AGL: variants seen among roughly 807,000 people sequenced by gnomAD.
AGL encodes glycogen debranching enzyme.
A neutral mutation model predicts 199.3 loss-of-function variants in AGL; 128 were observed. That is an observed-to-expected ratio of 0.64 (90% CI 0.56 to 0.74). The LOEUF (loss-of-function observed/expected upper bound fraction) is 0.74, where lower values mean the gene tolerates loss of function less well. Among genes scored for constraint, AGL ranks in the 30% least tolerant of loss-of-function variants. The probability of loss-of-function intolerance (pLI) is 0.00; values close to 1 mark genes in which losing one functional copy is unlikely to be tolerated. For missense variants in AGL, 1,809 were observed against 1,820.8 expected (o/e 0.99, Z 0.12); for synonymous variants, 584 against 594.7 (o/e 0.98, Z 0.26).
rs773291730 is a variant in AGL, at chr1:99,861,618, T to C, written c.198T>C (p.Asp66=). 1.9e-6 allele frequency: 3 copies of C among 1,613,904 alleles called. No homozygotes were observed. The highest frequency in any genetic ancestry group is 1.3e-5 in the African/African-American group (1 of 75,040). ...TFNREKFRSL[D]WENPTEREDD... ...ATAGAGAAAAATTCCGTTCTCTGGA[T>C]TGGGAAAATCCAACAGAAAGAGAAG... The change falls in exon 3 of 34, where the codon GAT becomes GAC. Residue 66 remains aspartate, a synonymous_variant. Coordinates refer to ENST00000361915, the MANE Select transcript of AGL (RefSeq NM_000642.3).
chr1:99,884,512 G>A, intron 19 of AGL, 57 bp from the exon 20 acceptor site: 5 of 1,604,474 alleles, frequency 3.1e-6, no homozygotes, highest in Admixed American at 3.3e-5. Context: ...TGCATATCCT[G>A]TTAAATTTGA....
chr1:99,919,386 T>C (rs1655359392), intron 33 of AGL, among the ~76,000 whole-genome samples: 1 of 152,190 alleles, frequency 6.6e-6, no homozygotes, highest in Non-Finnish European at 1.5e-5. Flanking sequence ...AGTCCTTCCT[T>C]GCTTTCTGGC....
intron 2 of AGL, among the ~76,000 whole-genome samples, chr1:99,858,155 A>C (rs987072138): frequency 6.6e-6 from 1 of 152,210 alleles, no homozygotes; most frequent in African/African-American, 2.4e-5. Context: ...TTACTTTGTA[A>C]GGAGAGGTAG....
rs11805563 is a variant in AGL at position 99,906,499 on chromosome 1, A to T, written c.3700+3705A>T. The stretch of plus-strand genomic sequence containing the variant: ...CTAGAACTTTTTTACCTTGCAAAAC[A>T]AACTCTATACTCGTGAAACACTAGT... On this transcript the variant is annotated intron_variant, in intron 27 of 33. Transcript: ENST00000361915. Among the ~76,000 whole-genome samples the T allele has an allele frequency of 7.6e-3, 1,151 of 152,312 alleles. 12 individuals are homozygous for T. The highest frequency in any genetic ancestry group is 0.026 in the African/African-American group (1,084 of 41,556).
At chr1:99,864,905 C>T (rs945073165) in intron 5 of AGL, among the ~76,000 whole-genome samples, 3 of 152,174 alleles carry the variant, frequency 2.0e-5, no homozygotes, top group South Asian at 2.1e-4. Flanking sequence ...CCCCCTTATT[C>T]GCAGTTTTGC....
chr1:99,901,440 A>C (rs942513961), intron 26 of AGL, among the ~76,000 whole-genome samples: 3 of 151,520 alleles, frequency 2.0e-5, no homozygotes, highest in Non-Finnish European at 4.4e-5. Flanking sequence ...TAGTGGATTG[A>C]AGCACAGTTT....
chr1:99,875,198 A>T lies in AGL; in HGVS notation c.1127A>T (p.Lys376Ile). The change falls in exon 9 of 34, where the codon AAA becomes ATA. Residue 376 changes from lysine (K) to isoleucine (I), a missense_variant. Physicochemically the swap from Lys to Ile is moderately radical, Grantham distance 102 (BLOSUM62 -3). Transcript: ENST00000361915. ...AIEECCNWFH[K>I]RMEELNSEKH... ...GAAGAATGCTGTAATTGGTTTCATA[A>T]AAGAATGGAGGAATTAAATTCAGAG... is the stretch of plus-strand genomic sequence containing the variant. The T allele has an allele frequency of 1.2e-6, 2 of 1,614,186 alleles. No individual in the cohort carries two copies. The highest frequency in any genetic ancestry group is 1.7e-6 in the Non-Finnish European group (2 of 1,180,006).
chr1:99,907,317 G>T (rs1275431477), intron 27 of AGL, among the ~76,000 whole-genome samples: 1 of 152,044 alleles, frequency 6.6e-6, no homozygotes. Context: ...ATATTCCATT[G>T]TATGTATATA....
Position 99,864,333 on chromosome 1 carries a change from G to C in AGL, c.461-53G>C, listed in dbSNP as rs535461. 996,423 of 1,430,936 alleles carry C rather than the reference G, an allele frequency of 0.7. 349,385 individuals carry two copies. Among genetic ancestry groups the C allele is most frequent in the African/African-American group, 0.87 (61,764 of 71,232 alleles). The allele number at this position is 1,430,936 out of a possible 1,614,324, so 88.6% of individuals were successfully genotyped here. ...TAAATTTATATTTTCTTCATTTTAG[G>C]CTGGTTTTGTTTGTTTGTTTTTACA... On this transcript the variant is annotated intron_variant, in intron 4 of 33. Transcript: ENST00000361915.
Position 99,900,659 on chromosome 1 carries a change from G to A in AGL, c.3386G>A (p.Gly1129Asp), listed in dbSNP as rs779241109. Reference sequence around the variant, plus strand: ...AGGAATATTATTTTAGCATTTGCGGGTACCCTGAGGCATGGTCTCATTCCT... The same window carrying A: ...AGGAATATTATTTTAGCATTTGCGGATACCCTGAGGCATGGTCTCATTCCT... ...EARNIILAFA[G>D]TLRHGLIPNL... The change falls in exon 26 of 34, where the codon GGT becomes GAT. Residue 1129 changes from glycine to aspartate, a missense_variant. Gly to Asp is a moderately conservative substitution (Grantham distance 94, BLOSUM62 -1). Coordinates refer to ENST00000361915, the MANE Select transcript of AGL (RefSeq NM_000642.3). The A allele has an allele frequency of 6.2e-7, 1 of 1,613,940 alleles. No homozygotes were observed. The highest frequency in any genetic ancestry group is 8.5e-7 in the Non-Finnish European group (1 of 1,179,876).
rs765550969 is a variant in AGL, at chr1:99,881,190, G to A, written c.2001+13G>A. 5.0e-6 allele frequency: 8 copies of A among 1,612,772 alleles called. No homozygotes were observed. In the Admixed American group the frequency reaches 6.7e-5, roughly 13 times the overall value. ...AGTGCCTCATCAGGTTTGTTTATAT[G>A]TTGTTTCTTAAAACCTACATGGCCA... On this transcript the variant is annotated intron_variant, in intron 15 of 33. Coordinates refer to ENST00000361915, the MANE Select transcript of AGL (RefSeq NM_000642.3).
At chr1:99,870,639 TA>T in intron 6 of AGL, 58 bp downstream of exon 6, 1 of 1,573,810 alleles carries the variant, frequency 6.4e-7, no homozygotes, top group Non-Finnish European at 8.7e-7. Flanking sequence ...AAGCACACAT[TA>T]AATATATGGT....
intron 33 of AGL, among the ~76,000 whole-genome samples, chr1:99,919,087 C>T (rs1015931120): frequency 6.6e-6 from 1 of 152,178 alleles, no homozygotes; most frequent in Non-Finnish European, 1.5e-5. Context: ...GCTCCTTCCT[C>T]TCTAGTACTC....
chr1:99,881,431 C>T lies in AGL; in HGVS notation c.2141C>T (p.Ala714Val). The stretch of plus-strand genomic sequence containing the variant: ...AGTAAACTTCATCAGGAGCTTGGAG[C>T]CAAGGGTTTTATTCAGGCAAGAAAT... ...AISKLHQELGAKGFIQVYVDQ... is the reference protein window; with the variant it reads ...AISKLHQELGVKGFIQVYVDQ... The change falls in exon 16 of 34, where the codon GCC (alanine) becomes GTC (valine). Residue 714 changes from alanine to valine, a missense_variant. Physicochemically the swap from Ala to Val is moderately conservative, Grantham distance 64. Coordinates refer to ENST00000361915, the MANE Select transcript of AGL (RefSeq NM_000642.3). 6.2e-7 allele frequency: 1 copy of T among 1,614,000 alleles called. No homozygotes were observed. The highest frequency in any genetic ancestry group is 8.5e-7 in the Non-Finnish European group (1 of 1,179,980).
chr1:99,900,532 A>T (rs1409990604), intron 25 of AGL, 104 bp from the exon 26 acceptor site: 1 of 1,033,196 alleles, frequency 9.7e-7, no homozygotes, highest in Non-Finnish European at 1.5e-6. Flanking sequence ...ATAGGGCAAG[A>T]GAGAAAACGC....
chr1:99,868,825 C>A (rs999576518), intron 5 of AGL, among the ~76,000 whole-genome samples: 1 of 135,512 alleles, frequency 7.4e-6, no homozygotes, highest in African/African-American at 2.7e-5. Flanking sequence ...GGTATTTACT[C>A]TTTTTTTTTT....
chr1:99,912,717 G>A (rs1176213326), intron 29 of AGL, among the ~76,000 whole-genome samples, 200 bp downstream of exon 29: 1 of 152,166 alleles, frequency 6.6e-6, no homozygotes, highest in East Asian at 1.9e-4. Context: ...ACTGAGATAA[G>A]AAAGCAGCAT....
intron 7 of AGL, among the ~76,000 whole-genome samples, chr1:99,873,459 A>G (rs1651202434): frequency 7.0e-6 from 1 of 142,116 alleles, no homozygotes; most frequent in South Asian, 2.2e-4. Context: ...TTTGAGACAG[A>G]GTTTCACTCT....
At chr1:99,883,883 T>C (rs1652240826) in intron 17 of AGL, among the ~76,000 whole-genome samples, 1 of 152,186 alleles carries the variant, frequency 6.6e-6, no homozygotes, top group Admixed American at 6.5e-5. Flanking sequence ...TCCCTAGAGC[T>C]AAGCTATTAT....
Sources: gnomAD v4.1 joint callset for allele counts (sites outside exome capture counted in the v4.1 genomes callset) on GRCh38, gnomAD v4.1.1 for gene constraint, MANE v1.5 for transcripts, NCBI Gene and HGNC (gene_info 2026-07-23, HGNC 2026-07-21) for gene names.